The following FOXN1 variants were observed in gnomAD, a reference collection of about 807,000 sequenced individuals.
The protein encoded by FOXN1 is forkhead box protein N1.
Under a neutral mutation model 49.0 loss-of-function variants are expected in FOXN1, and 15 were observed. The observed-to-expected ratio is 0.31, with a 90% confidence interval of 0.20 to 0.47. The LOEUF is 0.47. Among genes scored for constraint, FOXN1 ranks in the 20% least tolerant of loss-of-function variants. The pLI is 1.00. For missense variants in FOXN1, 800 were observed against 842.8 expected (o/e 0.95, Z 0.63); for synonymous variants, 356 against 369.0 (o/e 0.96, Z 0.40).
At chr17:28,533,077 G>A (rs907833271) in intron 6 of FOXN1, among the ~76,000 whole-genome samples, 1 of 152,218 alleles carries the variant, frequency 6.6e-6, no homozygotes, top group African/African-American at 2.4e-5. Context: ...GGCTGCACCA[G>A]GTCCTGCCAG....
At chr17:28,525,778 G>A (rs2069753379) in intron 3 of FOXN1, among the ~76,000 whole-genome samples, 1 of 151,906 alleles carries the variant, frequency 6.6e-6, no homozygotes, top group Non-Finnish European at 1.5e-5. Context: ...CCCCAACAAA[G>A]GCTTAGAAGG....
intron 1 of FOXN1, among the ~76,000 whole-genome samples, chr17:28,516,589 T>C (rs138771908): frequency 0.027 from 2,835 of 105,634 alleles, 76 homozygotes; most frequent in African/African-American, 0.094. Flanking sequence ...ACAGGATCCA[T>C]ACCTCCATAG....
chr17:28,525,641 C>A (rs932998611), intron 3 of FOXN1, among the ~76,000 whole-genome samples: 1 of 152,172 alleles, frequency 6.6e-6, no homozygotes, highest in East Asian at 1.9e-4. Context: ...CCTGCTCCCC[C>A]GCTCTGGTTT....
chr17:28,536,314 C>T (rs563437396), intron 8 of FOXN1, among the ~76,000 whole-genome samples: 1 of 152,318 alleles, frequency 6.6e-6, no homozygotes, highest in South Asian at 2.1e-4. Flanking sequence ...ATACGAAAAA[C>T]ATTTACTTGA....
chr17:28,515,963 C>T (rs1417258808), intron 1 of FOXN1, among the ~76,000 whole-genome samples: 1 of 151,816 alleles, frequency 6.6e-6, no homozygotes, highest in Non-Finnish European at 1.5e-5. Context: ...GTACACCCCT[C>T]CACAAGTATA....
At chr17:28,509,112 T>C (rs1177878134) in intron 1 of FOXN1, among the ~76,000 whole-genome samples, 4 of 151,980 alleles carry the variant, frequency 2.6e-5, no homozygotes, top group Non-Finnish European at 4.4e-5. Flanking sequence ...AGATGACCTC[T>C]GGGAGAGGGC....
intron 1 of FOXN1, among the ~76,000 whole-genome samples, chr17:28,515,079 G>A (rs1261278852): frequency 6.6e-6 from 1 of 152,098 alleles, no homozygotes; most frequent in East Asian, 1.9e-4. Flanking sequence ...AAAATGGGAT[G>A]ATAATACAGC....
intron 1 of FOXN1, among the ~76,000 whole-genome samples, chr17:28,518,890 T>G (rs1275410994): frequency 6.6e-6 from 1 of 152,216 alleles, no homozygotes; most frequent in Non-Finnish European, 1.5e-5. Context: ...AAAATGGGCT[T>G]GATGACCTTG....
rs181106849 is a variant in FOXN1, at chr17:28,534,217, T to G, written c.928-114T>G. 1.3e-6 allele frequency: 2 copies of G among 1,502,250 alleles called. No individual in the cohort carries two copies. Among genetic ancestry groups the G allele is most frequent in the Non-Finnish European group, 1.8e-6 (2 of 1,093,120 alleles). The allele number at this position is 1,502,250 out of a possible 1,614,324, so 93.1% of individuals were successfully genotyped here. A position where few individuals can be genotyped will look rare whatever the true frequency, so the allele number is the denominator to read the frequency against. The stretch of plus-strand genomic sequence containing the variant: ...CTGAGGAGGACAACAAGCCCCAGAG[T>G]GGGCGGCAGCTCTGTGCCCAGAGGA... On this transcript the variant is annotated intron_variant, in intron 6 of 8. Transcript: ENST00000579795. This position sits in a 1 kb window ranked among gnomAD's most constrained non-coding sequence, Gnocchi z 4.1.
rs558252953 is a variant in FOXN1 at position 28,532,867 on chromosome 17, G to T, written c.928-1464G>T. Reference sequence around the variant, plus strand: ...GGCATCCCAAAGTCACAGATTCATGGGGCCATAAAAGGCCCCAGCGCCCAT... The same window carrying T: ...GGCATCCCAAAGTCACAGATTCATGTGGCCATAAAAGGCCCCAGCGCCCAT... On this transcript the variant is annotated intron_variant, in intron 6 of 8. Transcript: ENST00000579795. Among the ~76,000 whole-genome samples, 3 of 152,320 alleles carry T rather than the reference G, an allele frequency of 2.0e-5. No individual in the cohort carries two copies. The East Asian group carries it at 5.8e-4, about 29-fold the overall frequency.
intron 5 of FOXN1, 59 bp from the exon 6 acceptor site, chr17:28,530,690 G>T (rs879025096): frequency 5.4e-6 from 5 of 923,856 alleles, no homozygotes; most frequent in South Asian, 5.2e-5. Flanking sequence ...TGGGGGGCTT[G>T]GGGTGGGCTC....
chr17:28,536,085 T>G (rs951321828), intron 8 of FOXN1, among the ~76,000 whole-genome samples: 2 of 152,016 alleles, frequency 1.3e-5, no homozygotes, highest in African/African-American at 4.8e-5. Context: ...ACAGGAGGTT[T>G]GGAACGGGGT....
At position 28,534,574 on chromosome 17, in the gene FOXN1, G is replaced by A. The variant is rs771697647; in HGVS notation, c.1135+36G>A. The A allele has an allele frequency of 8.7e-6, 14 of 1,603,574 alleles. No homozygotes were observed. The highest frequency in any genetic ancestry group is 2.2e-5 in the East Asian group (1 of 44,776). Reference sequence around the variant, plus strand: ...CCGGGCCACGCAAGGAAGGGCCCAGGGTACTCATGAGCCAAAAAAAAAAAA... The same window carrying A: ...CCGGGCCACGCAAGGAAGGGCCCAGAGTACTCATGAGCCAAAAAAAAAAAA... On this transcript the variant is annotated intron_variant, in intron 7 of 8. Coordinates refer to ENST00000579795, the MANE Select transcript of FOXN1 (RefSeq NM_001369369.1). This position sits in a 1 kb window ranked among gnomAD's most constrained non-coding sequence, Gnocchi z 4.1.
rs1597571133 is a variant in FOXN1 at position 28,537,159 on chromosome 17, A to C, written c.1670A>C (p.Asp557Ala). Residue 557 changes from aspartate to alanine, a missense_variant, in exon 9 of 9, where the codon GAC (aspartate) becomes GCC (alanine). By Grantham distance (126) the Asp-to-Ala change is moderately radical (BLOSUM62 -2). Transcript: ENST00000579795. Reference protein sequence around the residue: ...EQLKDDSLALDPLVLVTSSPT... With the variant: ...EQLKDDSLALAPLVLVTSSPT... Reference sequence around the variant, plus strand: ...TTGAAGGATGATAGCTTGGCCCTCGACCCCCTGGTACTGGTGACCTCATCC... The same window carrying C: ...TTGAAGGATGATAGCTTGGCCCTCGCCCCCCTGGTACTGGTGACCTCATCC... The C allele has an allele frequency of 6.2e-7, 1 of 1,613,612 alleles. No individual in the cohort carries two copies. Among genetic ancestry groups the C allele is most frequent in the Non-Finnish European group, 8.5e-7 (1 of 1,179,846 alleles).
In FOXN1 at chr17:28,524,103, G is replaced by C. The variant is rs79946739; in HGVS notation, c.123+11G>C. On this transcript the variant is annotated intron_variant, in intron 2 of 8. Coordinates refer to ENST00000579795, the MANE Select transcript of FOXN1 (RefSeq NM_001369369.1). Reference sequence around the variant, plus strand: ...CCTGCCCCACAGAGTGTAAGTACCCGGCATCTGGGCCTGGGTTTAGGCCAA... The same window carrying C: ...CCTGCCCCACAGAGTGTAAGTACCCCGCATCTGGGCCTGGGTTTAGGCCAA... The C allele has an allele frequency of 6.3e-7, 1 of 1,582,648 alleles. No homozygotes were observed. The highest frequency in any genetic ancestry group is 8.6e-7 in the Non-Finnish European group (1 of 1,165,014).
chr17:28,524,658 C>A lies in FOXN1; in HGVS notation c.279C>A (p.Leu93=), dbSNP rs374082998. 6.8e-6 allele frequency: 11 copies of A among 1,613,692 alleles called. No homozygotes were observed. The highest frequency in any genetic ancestry group is 9.3e-6 in the Non-Finnish European group (11 of 1,179,932). Residue 93 remains leucine (L), a synonymous_variant, in exon 3 of 9, where the codon CTC becomes CTA. Coordinates refer to ENST00000579795, the MANE Select transcript of FOXN1 (RefSeq NM_001369369.1). ...PAGPGPGPFR[L]SPSDKYPGFG... ...GCCCCGGCCCTGGGCCCTTCAGGCT[C>A]TCACCCTCAGACAAGTATCCTGGCT...
At chr17:28,506,796 A>G (rs570564567) in intron 1 of FOXN1, among the ~76,000 whole-genome samples, 1 of 152,284 alleles carries the variant, frequency 6.6e-6, no homozygotes, top group South Asian at 2.1e-4. Flanking sequence ...TAGATCTGGA[A>G]AACTAGAGCT....
chr17:28,524,841 G>A lies in FOXN1; in HGVS notation c.462G>A (p.Pro154=), dbSNP rs755126985. The A allele has an allele frequency of 1.6e-5, 26 of 1,613,658 alleles. No individual in the cohort carries two copies. Among genetic ancestry groups the A allele is most frequent in the Admixed American group, 5.0e-5 (3 of 60,008 alleles). ...LKGHSFKTPG[P]LEAFEEIPVD... is the part of the protein sequence containing the mutation. ...GACACTCCTTTAAGACCCCAGGGCC[G>A]CTGGAGGCCTTCGAGGAGATCCCAG... Residue 154 remains proline, a synonymous_variant, in exon 3 of 9, where the codon CCG becomes CCA. Coordinates refer to ENST00000579795, the MANE Select transcript of FOXN1 (RefSeq NM_001369369.1).
Position 28,537,389 on chromosome 17 carries a change from C to A in FOXN1, c.1900C>A (p.Pro634Thr). The A allele has an allele frequency of 6.2e-7, 1 of 1,613,186 alleles. No homozygotes were observed. Among genetic ancestry groups the A allele is most frequent in the Non-Finnish European group, 8.5e-7 (1 of 1,179,704 alleles). Residue 634 changes from proline to threonine, a missense_variant, in exon 9 of 9, where the codon CCC becomes ACC. Pro to Thr is a conservative substitution (Grantham distance 38). Transcript: ENST00000579795. ...CACGCCCCCCACGGCCCCTGCAGGC[C>A]CCTCTGTGTACCTCAGCCCCAGCTC... ...EPTPPTAPAG[P>T]SVYLSPSSKP...
Sources: allele counts gnomAD v4.1 joint callset (sites outside exome capture counted in the v4.1 genomes callset), GRCh38; gene constraint gnomAD v4.1.1; non-coding constraint Gnocchi (gnomAD v3.1); transcripts MANE v1.5; gene names NCBI Gene and HGNC (gene_info 2026-07-23, HGNC 2026-07-21).